The following ZNF292 variants were observed in gnomAD, a reference collection of about 807,000 sequenced individuals.
ZNF292 encodes the protein 16 zinc-finger domain protein.
In ZNF292, 26 loss-of-function variants were observed where a neutral mutation model predicts 217.9. The ratio of observed to expected loss-of-function variants is 0.12; its 90% CI spans 0.09 to 0.17. The LOEUF is 0.17. Among genes scored for constraint, ZNF292 ranks in the 10% least tolerant of loss-of-function variants. ZNF292 has a pLI of 1.00. For missense variants in ZNF292, 2,904 were observed against 3,175.2 expected (o/e 0.91, Z 2.05); for synonymous variants, 1,257 against 1,124.1 (o/e 1.12, Z -2.37).
At position 87,256,564 on chromosome 6, in the gene ZNF292, A is replaced by G; in HGVS notation, c.2935A>G (p.Asn979Asp). Residue 979 changes from asparagine to aspartate, a missense_variant, in exon 8 of 8, where the codon AAT becomes GAT. Around this residue, in one of 15 missense-constraint regions of ZNF292, gnomAD observed 687 missense variants for 623.0 expected, o/e 1.10. Coordinates refer to ENST00000369577, the MANE Select transcript of ZNF292 (RefSeq NM_015021.3). ...ACATACGCCAGTTGAAGATACTTGT[A>G]ATGATTTGTGTCATCCAGGTTTCCA... ...DLHTPVEDTC[N>D]DLCHPGFQER... is the part of the protein sequence containing the mutation. 1 of 1,613,606 alleles carries G rather than the reference A, an allele frequency of 6.2e-7. No homozygotes were observed. Among genetic ancestry groups the G allele is most frequent in the South Asian group, 1.1e-5 (1 of 91,076 alleles).
intron 1 of ZNF292, among the ~76,000 whole-genome samples, chr6:87,160,120 A>G (rs957412552): frequency 2.0e-5 from 3 of 152,208 alleles, no homozygotes; most frequent in African/African-American, 7.2e-5. Context: ...CCCTGGCTTC[A>G]AAGAGTTTAT....
At position 87,218,742 on chromosome 6, in the gene ZNF292, G is replaced by A. The variant is rs369452526; in HGVS notation, c.538+11G>A. 9.0e-6 allele frequency: 14 copies of A among 1,558,760 alleles called. No individual in the cohort carries two copies. The highest frequency in any genetic ancestry group is 6.9e-5 in the East Asian group (3 of 43,186). On this transcript the variant is annotated intron_variant, in intron 4 of 7. Coordinates refer to ENST00000369577, the MANE Select transcript of ZNF292 (RefSeq NM_015021.3). Reference sequence around the variant, plus strand: ...TGGATAAGGATAAAGGTAAATTTTCGAGAGACAGAGAAAAAAAAGAATAAT... The same window carrying A: ...TGGATAAGGATAAAGGTAAATTTTCAAGAGACAGAGAAAAAAAAGAATAAT...
At chr6:87,171,503 C>T (rs1167185459) in intron 1 of ZNF292, among the ~76,000 whole-genome samples, 4 of 151,852 alleles carry the variant, frequency 2.6e-5, no homozygotes, top group Admixed American at 6.6e-5. Flanking sequence ...GAGTACTTTG[C>T]TTATTATGGT....
At chr6:87,186,707 G>A (rs1232414149) in intron 1 of ZNF292, among the ~76,000 whole-genome samples, 3 of 152,168 alleles carry the variant, frequency 2.0e-5, no homozygotes, top group Admixed American at 6.5e-5. Flanking sequence ...TCATGCCACA[G>A]CACTACAGCC....
rs1218800747 is a variant in ZNF292 at position 87,255,109 on chromosome 6, A to G, written c.1480A>G (p.Met494Val). Residue 494 changes from methionine (M) to valine (V), a missense_variant, in exon 8 of 8, where the codon ATG becomes GTG. This residue lies in a region of ZNF292 where 87 missense variants were observed against 99.6 expected (regional missense o/e 0.87). Transcript: ENST00000369577. ...CCAAGAAGAGAGTAAAGAAACTTCT[A>G]TGAATGGGCTTTCTGGTGGAGTTGG... ...DYQEESKETS[M>V]NGLSGGVGAN... The G allele has an allele frequency of 3.7e-6, 6 of 1,613,580 alleles. No individual in the cohort carries two copies. The highest frequency in any genetic ancestry group is 2.7e-5 in the African/African-American group (2 of 74,942).
chr6:87,198,622 A>G (rs59875769), intron 1 of ZNF292, among the ~76,000 whole-genome samples: 12,439 of 152,252 alleles, frequency 0.082, 858 homozygotes, highest in African/African-American at 0.19. Flanking sequence ...AAGTACTTAA[A>G]TATATTAGAC....
intron 5 of ZNF292, among the ~76,000 whole-genome samples, chr6:87,242,857 C>T (rs73754147): frequency 1.3e-5 from 2 of 152,042 alleles, no homozygotes; most frequent in African/African-American, 2.4e-5. Context: ...CTAGGTTATA[C>T]GTACACATGC....
rs185064621 is a variant in ZNF292 at position 87,180,115 on chromosome 6, T to A, written c.168+24356T>A. Among the ~76,000 whole-genome samples, 313 of 152,206 alleles carry A rather than the reference T, an allele frequency of 2.1e-3. 1 individual carries two copies. The highest frequency in any genetic ancestry group is 2.6e-3 in the Non-Finnish European group (179 of 68,004). On this transcript the variant is annotated intron_variant, in intron 1 of 7. Transcript: ENST00000369577. ...TGAAAGAATTGTCTTGGGCCACACA[T>A]AACATACACTAACAATAGCTGATGA...
rs768201509 is a variant in ZNF292 at position 87,258,219 on chromosome 6, T to G, written c.4590T>G (p.Asn1530Lys). Residue 1530 changes from asparagine to lysine, a missense_variant, in exon 8 of 8, where the codon AAT becomes AAG. Coordinates refer to ENST00000369577, the MANE Select transcript of ZNF292 (RefSeq NM_015021.3). Reference sequence around the variant, plus strand: ...AAGTAAATGCAACGGTGATGCCAAATCCAACTGTACCACCCCTGTTGCACA... The same window carrying G: ...AAGTAAATGCAACGGTGATGCCAAAGCCAACTGTACCACCCCTGTTGCACA... ...ASQVNATVMP[N>K]PTVPPLLHTV... 1.2e-6 allele frequency: 2 copies of G among 1,612,308 alleles called. No individual in the cohort carries two copies. Among genetic ancestry groups the G allele is most frequent in the South Asian group, 2.2e-5 (2 of 90,780 alleles).
intron 1 of ZNF292, among the ~76,000 whole-genome samples, chr6:87,168,318 T>G (rs981971167): frequency 6.6e-6 from 1 of 152,162 alleles, no homozygotes; most frequent in African/African-American, 2.4e-5. Context: ...TTTTATTAAG[T>G]GATTGTTTAG....
chr6:87,257,954 T>C lies in ZNF292; in HGVS notation c.4325T>C (p.Phe1442Ser). ...VNLQQPQQSTFNPEACFKDPS... is the reference protein window; with the variant it reads ...VNLQQPQQSTSNPEACFKDPS... The stretch of plus-strand genomic sequence containing the variant: ...TTGCAGCAGCCACAACAATCTACCT[T>C]CAATCCAGAAGCATGTTTTAAAGAT... Residue 1442 changes from phenylalanine (F) to serine (S), a missense_variant, in exon 8 of 8, where the codon TTC becomes TCC. Phe to Ser is a radical substitution (Grantham distance 155). Transcript: ENST00000369577. 6.2e-7 allele frequency: 1 copy of C among 1,613,934 alleles called. No individual in the cohort carries two copies. Among genetic ancestry groups the C allele is most frequent in the Non-Finnish European group, 8.5e-7 (1 of 1,179,834 alleles).
Position 87,256,392 on chromosome 6 carries a change from G to A in ZNF292, c.2763G>A (p.Leu921=). The A allele has an allele frequency of 6.2e-7, 1 of 1,608,330 alleles. No homozygotes were observed. The highest frequency in any genetic ancestry group is 8.5e-7 in the Non-Finnish European group (1 of 1,179,804). ...CTAATGGACCATTGTCAAATGGTTT[G>A]GAAAACCCTGCTACTACTCCTCTAC... ...RQANGPLSNG[L]ENPATTPLLQ... is the part of the protein sequence containing the mutation. Residue 921 remains leucine (L), a synonymous_variant, in exon 8 of 8, where the codon TTG becomes TTA. Coordinates refer to ENST00000369577, the MANE Select transcript of ZNF292 (RefSeq NM_015021.3).
At chr6:87,174,436 A>G (rs1223335921) in intron 1 of ZNF292, 1 of 152,284 alleles carries the variant, frequency 6.6e-6, no homozygotes, top group Admixed American at 6.5e-5. Flanking sequence ...AAAATAAAAA[A>G]GTAACTGCTG....
Position 87,256,993 on chromosome 6 carries a change from G to C in ZNF292, c.3364G>C (p.Ala1122Pro). Residue 1122 changes from alanine to proline, a missense_variant, in exon 8 of 8, where the codon GCA (alanine) becomes CCA (proline). Physicochemically the swap from Ala to Pro is conservative, Grantham distance 27. Transcript: ENST00000369577. ...GAGTATTGGGAAACACATGAAGACA[G>C]CACACCCTGACCAATATGCTGCATT... ...SQSIGKHMKT[A>P]HPDQYAAFKM... is the part of the protein sequence containing the mutation. 1 of 1,613,636 alleles carries C rather than the reference G, an allele frequency of 6.2e-7. No individual in the cohort carries two copies. The highest frequency in any genetic ancestry group is 8.5e-7 in the Non-Finnish European group (1 of 1,179,772).
rs1325563311 is a variant in ZNF292, at chr6:87,259,802, A to G, written c.6173A>G (p.Gln2058Arg). The G allele has an allele frequency of 1.9e-6, 3 of 1,609,328 alleles. No homozygotes were observed. Among genetic ancestry groups the G allele is most frequent in the Admixed American group, 1.7e-5 (1 of 59,004 alleles). The stretch of plus-strand genomic sequence containing the variant: ...CCTGACAAAACAGAAAGTTCTTTAC[A>G]AGTGATTACAGTTACTTCAGAACAA... ...KSPDKTESSL[Q>R]VITVTSEQCN... Residue 2058 changes from glutamine (Q) to arginine (R), a missense_variant, in exon 8 of 8, where the codon CAA (glutamine) becomes CGA (arginine). Physicochemically the swap from Gln to Arg is conservative, Grantham distance 43. Coordinates refer to ENST00000369577, the MANE Select transcript of ZNF292 (RefSeq NM_015021.3).
At chr6:87,159,772 C>T (rs993173421) in intron 1 of ZNF292, among the ~76,000 whole-genome samples, 1 of 152,112 alleles carries the variant, frequency 6.6e-6, no homozygotes, top group Non-Finnish European at 1.5e-5. Context: ...AGCCACCACG[C>T]CCGGCCCTGT....
chr6:87,236,935 C>T (rs1439389455), intron 5 of ZNF292, among the ~76,000 whole-genome samples: 1 of 152,092 alleles, frequency 6.6e-6, no homozygotes, highest in Non-Finnish European at 1.5e-5. Context: ...TACATACATC[C>T]GTGTATCCTT....
intron 1 of ZNF292, among the ~76,000 whole-genome samples, chr6:87,182,086 A>T (rs1384071158): frequency 1.3e-5 from 2 of 151,908 alleles, no homozygotes; most frequent in African/African-American, 4.8e-5. Flanking sequence ...CTCCTCACCC[A>T]CTCATATACA....
chr6:87,176,947 A>G (rs1389403111), intron 1 of ZNF292, among the ~76,000 whole-genome samples: 1 of 151,846 alleles, frequency 6.6e-6, no homozygotes, highest in Non-Finnish European at 1.5e-5. Flanking sequence ...TTTTCCCTCC[A>G]TCCTCCCACC....
Sources: allele counts gnomAD v4.1 joint callset (sites outside exome capture counted in the v4.1 genomes callset), GRCh38; gene constraint gnomAD v4.1.1; regional missense constraint gnomAD v4.1.1; transcripts MANE v1.5; gene names NCBI Gene and HGNC (gene_info 2026-07-23, HGNC 2026-07-21).